Variants in BIN1 observed in about 807,000 individuals in gnomAD.
BIN1 encodes the protein bridging integrator 1, also known as myc box-dependent-interacting protein 1.
In BIN1, 53 loss-of-function variants were observed where a neutral mutation model predicts 82.0. That is an observed-to-expected ratio of 0.65 (90% CI 0.52 to 0.81). The LOEUF (loss-of-function observed/expected upper bound fraction) is 0.81. BIN1 is among the 40% of genes least tolerant of loss of function. The pLI, the probability that BIN1 is intolerant of heterozygous loss-of-function variation, is 0.00. For missense variants in BIN1, 642 were observed against 784.4 expected (o/e 0.82, Z 2.17); for synonymous variants, 302 against 328.0 (o/e 0.92, Z 0.86).
At chr2:127,091,150 C>T (rs1318273067) in intron 1 of BIN1, among the ~76,000 whole-genome samples, 1 of 152,214 alleles carries the variant, frequency 6.6e-6, no homozygotes, top group Non-Finnish European at 1.5e-5. Flanking sequence ...GTCATTTCTG[C>T]TATTCAAAGG....
intron 7 of BIN1, among the ~76,000 whole-genome samples, chr2:127,065,264 C>T (rs1685005514): frequency 1.3e-5 from 2 of 151,720 alleles, no homozygotes; most frequent in South Asian, 4.2e-4. Context: ...CCTTGCCTGG[C>T]TTTTCAGAAT....
chr2:127,060,783 A>G (rs1684346779), intron 10 of BIN1: 3 of 1,131,464 alleles, frequency 2.7e-6, no homozygotes, highest in Non-Finnish European at 3.9e-6. Context: ...GAGGCCTTGC[A>G]CAGGGCCTGG....
intron 2 of BIN1, among the ~76,000 whole-genome samples, chr2:127,074,499 A>G (rs1686342313): frequency 6.6e-6 from 1 of 152,200 alleles, no homozygotes; most frequent in African/African-American, 2.4e-5. Flanking sequence ...AGCACTGGCT[A>G]TCTTTAGCCC....
chr2:127,102,212 A>G (rs1171208834), intron 1 of BIN1, among the ~76,000 whole-genome samples: 2 of 152,186 alleles, frequency 1.3e-5, no homozygotes, highest in African/African-American at 4.8e-5. Context: ...CCTACCTCCA[A>G]GGGTAGGACT....
chr2:127,082,848 A>G lies in BIN1; in HGVS notation c.85-6142T>C, dbSNP rs1687472608. ...TGGAGAGTCTCGGTGGCCTCCAACAATCTAGGTGCCATGCAGGAGGCCACA... is the reference window on the plus strand; with the variant it reads ...TGGAGAGTCTCGGTGGCCTCCAACAGTCTAGGTGCCATGCAGGAGGCCACA... On this transcript the variant is annotated intron_variant, in intron 1 of 18. Transcript: ENST00000316724. This position sits in a 1 kb window ranked among gnomAD's most constrained non-coding sequence, Gnocchi z 6.1. Among the ~76,000 whole-genome samples the G allele has an allele frequency of 6.8e-6, 1 of 146,920 alleles. No individual in the cohort carries two copies. The highest frequency in any genetic ancestry group is 1.5e-5 in the Non-Finnish European group (1 of 65,898).
chr2:127,051,258 C>T lies in BIN1; in HGVS notation c.1372-15G>A. 3 of 1,613,406 alleles carry T rather than the reference C, an allele frequency of 1.9e-6. No homozygotes were observed. Among genetic ancestry groups the T allele is most frequent in the Non-Finnish European group, 1.7e-6 (2 of 1,179,772 alleles). On this transcript the variant is annotated splice_polypyrimidine_tract_variant and intron_variant, in intron 15 of 18. Transcript: ENST00000316724. The stretch of plus-strand genomic sequence containing the variant: ...GCCTCTGCTGGCTGCAACATAAATG[C>T]CGGCTTGGGGTCAGACACAGGACAG...
In BIN1 at chr2:127,070,533, C is replaced by G. The variant is rs757861831; in HGVS notation, c.315+20G>C. On this transcript the variant is annotated intron_variant, in intron 4 of 18. Coordinates refer to ENST00000316724, the MANE Select transcript of BIN1 (RefSeq NM_139343.3). ...CAGAGGGCCCTCTGAGAAGGGCAGGCCCACCTGTCCCATGCTCACCTCTGC... is the reference window on the plus strand; with the variant it reads ...CAGAGGGCCCTCTGAGAAGGGCAGGGCCACCTGTCCCATGCTCACCTCTGC... 2 of 1,613,332 alleles carry G rather than the reference C, an allele frequency of 1.2e-6. No individual in the cohort carries two copies. Among genetic ancestry groups the G allele is most frequent in the Middle Eastern group, 3.3e-4 (2 of 6,034 alleles).
In BIN1 at chr2:127,068,886, C is replaced by T. The variant is rs1217759562; in HGVS notation, c.519+38G>A. 6.3e-7 allele frequency: 1 copy of T among 1,579,350 alleles called. No homozygotes were observed. On this transcript the variant is annotated intron_variant, in intron 6 of 18. Transcript: ENST00000316724. The surrounding 1 kb of genome is among the most constrained non-coding windows in gnomAD (Gnocchi z 4.9). ...CCTAGACACCCGCCCTCTCTCAGCCCCCTGCAGACGCTGCCCCGACCCGCC... is the reference window on the plus strand; with the variant it reads ...CCTAGACACCCGCCCTCTCTCAGCCTCCTGCAGACGCTGCCCCGACCCGCC...
Position 127,050,522 on chromosome 2 carries a change from C to G in BIN1, c.1573G>C (p.Val525Leu), listed in dbSNP as rs1182560077. The change falls in exon 18 of 19, where the codon GTA becomes CTA. Residue 525 changes from valine (V) to leucine (L), a missense_variant and splice_region_variant. Val to Leu is a conservative substitution (Grantham distance 32). Transcript: ENST00000316724. The stretch of plus-strand genomic sequence containing the variant: ...GCCGTGTAGTCGTGCTGGGCCTGTA[C>G]CTGCAGAGGATGCGGATCGCAAGTC... ...LDLPPGFMFK[V>L]QAQHDYTATD... The G allele has an allele frequency of 1.9e-6, 3 of 1,614,226 alleles. No individual in the cohort carries two copies. Among genetic ancestry groups the G allele is most frequent in the Non-Finnish European group, 2.5e-6 (3 of 1,180,034 alleles).
rs772495968 is a variant in BIN1 at position 127,068,247 on chromosome 2, C to T, written c.528G>A (p.Ser176=). Residue 176 remains serine, a synonymous_variant, in exon 7 of 19, where the codon TCG becomes TCA. Coordinates refer to ENST00000316724, the MANE Select transcript of BIN1 (RefSeq NM_139343.3). The surrounding 1 kb of genome is among the most constrained non-coding windows in gnomAD (Gnocchi z 4.9). ...KDEAKIAKPV[S]LLEKAAPQWC... ...ACTGGGGGGCGGCTTTCTCAAGCAG[C>T]GAGACAGGCTGGGGTGGGGAGGTCA... The T allele has an allele frequency of 4.3e-6, 7 of 1,612,152 alleles. No individual in the cohort carries two copies. In the East Asian group the frequency reaches 1.1e-4, roughly 26 times the overall value.
chr2:127,080,695 C>T (rs868396778), intron 1 of BIN1, among the ~76,000 whole-genome samples: 2 of 152,340 alleles, frequency 1.3e-5, no homozygotes, highest in Middle Eastern at 3.4e-3. Flanking sequence ...AGCTTCCTCT[C>T]ACCATGTCCT....
intron 2 of BIN1, among the ~76,000 whole-genome samples, chr2:127,074,955 C>T (rs1171267243): frequency 6.6e-6 from 1 of 152,162 alleles, no homozygotes; most frequent in Non-Finnish European, 1.5e-5. Context: ...CCTGCCTTGG[C>T]CCCCCAAAGT....
At position 127,062,110 on chromosome 2, in the gene BIN1, C is replaced by T. The variant is rs548627640; in HGVS notation, c.857+5G>A. On this transcript the variant is annotated splice_donor_5th_base_variant and intron_variant, in intron 10 of 18. Transcript: ENST00000316724. Reference sequence around the variant, plus strand: ...CAGGGGCGCCAGGGCTCTCCCCGCACGCACCTGGGCTGGGCCTTGACCGTG... The same window carrying T: ...CAGGGGCGCCAGGGCTCTCCCCGCATGCACCTGGGCTGGGCCTTGACCGTG... 8.1e-6 allele frequency: 13 copies of T among 1,603,060 alleles called. No homozygotes were observed. Among genetic ancestry groups the T allele is most frequent in the African/African-American group, 1.3e-5 (1 of 74,924 alleles).
At chr2:127,095,939 T>C (rs1266978290) in intron 1 of BIN1, among the ~76,000 whole-genome samples, 3 of 151,804 alleles carry the variant, frequency 2.0e-5, no homozygotes, top group Admixed American at 6.6e-5. Context: ...GAGTCGGGAG[T>C]TCACCTTGTT....
Position 127,106,893 on chromosome 2 carries a change from G to A in BIN1, c.51C>T (p.Asn17=). 1 of 1,612,392 alleles carries A rather than the reference G, an allele frequency of 6.2e-7. No individual in the cohort carries two copies. The highest frequency in any genetic ancestry group is 1.7e-5 in the Admixed American group (1 of 60,008). Residue 17 remains asparagine (N), a synonymous_variant, in exon 1 of 19, where the codon AAC becomes AAT. Transcript: ENST00000316724. Reference sequence around the variant, plus strand: ...GCGCGCGGGTGAGCTTCTTCTGCACGTTGCTGGCGATCTTTCCCGCCGTCA... The same window carrying A: ...GCGCGCGGGTGAGCTTCTTCTGCACATTGCTGGCGATCTTTCCCGCCGTCA... The part of the protein sequence containing the change: ...KGVTAGKIAS[N]VQKKLTRAQE...
intron 8 of BIN1, 134 bp from the exon 9 acceptor site, chr2:127,063,780 C>G: frequency 7.2e-7 from 1 of 1,392,686 alleles, no homozygotes. Flanking sequence ...CCGCAGCACT[C>G]AGGCTGGACA....
chr2:127,081,108 G>A (rs952728374), intron 1 of BIN1, among the ~76,000 whole-genome samples: 9 of 152,146 alleles, frequency 5.9e-5, no homozygotes, highest in Non-Finnish European at 5.9e-5. Flanking sequence ...AACAGCCCCC[G>A]CATGGCAGGC....
chr2:127,050,852 C>T lies in BIN1; in HGVS notation c.1522G>A (p.Gly508Ser). The change falls in exon 17 of 19, where the codon GGC becomes AGC. Residue 508 changes from glycine (G) to serine (S), a missense_variant. Coordinates refer to ENST00000316724, the MANE Select transcript of BIN1 (RefSeq NM_139343.3). The part of the protein sequence containing the change: ...FPATVNGTVE[G>S]GSGAGRLDLP... ...TCCAAGCGCCCGGCCCCACTGCCGC[C>T]CTCCACGGTGCCATTCACAGTTGCT... 1 of 1,613,870 alleles carries T rather than the reference C, an allele frequency of 6.2e-7. No homozygotes were observed. Among genetic ancestry groups the T allele is most frequent in the Non-Finnish European group, 8.5e-7 (1 of 1,180,030 alleles).
rs772495968 is a variant in BIN1 at position 127,068,247 on chromosome 2, C to A, written c.528G>T (p.Ser176=). The A allele has an allele frequency of 1.7e-5, 27 of 1,612,152 alleles. No individual in the cohort carries two copies. The African/African-American group carries it at 2.9e-4, about 18-fold the overall frequency. The change falls in exon 7 of 19, where the codon TCG becomes TCT. Residue 176 remains serine, a synonymous_variant. Transcript: ENST00000316724. This position sits in a 1 kb window ranked among gnomAD's most constrained non-coding sequence, Gnocchi z 4.9. ...KDEAKIAKPV[S]LLEKAAPQWC... ...ACTGGGGGGCGGCTTTCTCAAGCAG[C>A]GAGACAGGCTGGGGTGGGGAGGTCA...
Sources: allele counts gnomAD v4.1 joint callset (sites outside exome capture counted in the v4.1 genomes callset), GRCh38; gene constraint gnomAD v4.1.1; non-coding constraint Gnocchi (gnomAD v3.1); transcripts MANE v1.5; gene names NCBI Gene and HGNC (gene_info 2026-07-23, HGNC 2026-07-21).